Variants in ROBO2 observed in about 807,000 individuals in gnomAD.
ROBO2 encodes the protein roundabout homolog 2.
Under a neutral mutation model 160.8 loss-of-function variants are expected in ROBO2, and 53 were observed. The observed-to-expected ratio is 0.33, with a 90% CI of 0.26 to 0.41. The LOEUF is 0.41. ROBO2 is among the 10% of genes least tolerant of loss of function. The pLI, the probability that ROBO2 is intolerant of heterozygous loss-of-function variation, is 1.00. For missense variants in ROBO2, 1,577 were observed against 1,722.4 expected (o/e 0.92, Z 1.49); for synonymous variants, 664 against 611.7 (o/e 1.09, Z -1.26).
At chr3:76,422,638 C>A (rs909670210) in intron 2 of ROBO2, among the ~76,000 whole-genome samples, 4 of 152,116 alleles carry the variant, frequency 2.6e-5, no homozygotes, top group Admixed American at 6.5e-5. Flanking sequence ...TACTTTCATG[C>A]ATTAATCTGG....
chr3:75,996,729 ATATGTAAAT>A (rs2065737127), intron 2 of ROBO2, among the ~76,000 whole-genome samples: 1 of 72,714 alleles, frequency 1.4e-5, no homozygotes, highest in Non-Finnish European at 3.6e-5. Context: ...CTATTCTGAT[ATATGTAAAT>A]CATCAATTCT....
chr3:76,878,964 A>G (rs1020413151), intron 2 of ROBO2, among the ~76,000 whole-genome samples: 3 of 149,006 alleles, frequency 2.0e-5, no homozygotes, highest in Non-Finnish European at 3.0e-5. Flanking sequence ...TATTAAAAAG[A>G]AAAAGAATTA....
intron 8 of ROBO2, among the ~76,000 whole-genome samples, chr3:77,554,813 G>A (rs1303782674): frequency 6.6e-6 from 1 of 151,948 alleles, no homozygotes. Flanking sequence ...CAAGATTGTT[G>A]AAGTGATAAC....
intron 2 of ROBO2, among the ~76,000 whole-genome samples, chr3:76,536,707 A>T (rs2082525781): frequency 6.6e-6 from 1 of 152,140 alleles, no homozygotes; most frequent in African/African-American, 2.4e-5. Context: ...GGGCTAGGGT[A>T]TAAACAACTC....
intron 2 of ROBO2, among the ~76,000 whole-genome samples, chr3:76,755,139 T>G (rs1192993828): frequency 6.6e-6 from 1 of 151,858 alleles, no homozygotes; most frequent in Non-Finnish European, 1.5e-5. Flanking sequence ...ATACTCAGAT[T>G]ATTGATTAAA....
chr3:77,183,463 G>C (rs7433037), intron 2 of ROBO2, among the ~76,000 whole-genome samples: 13,352 of 151,928 alleles, frequency 0.088, 732 homozygotes, highest in African/African-American at 0.15. Context: ...CTAATGCAAC[G>C]GGTGCCCTCA....
At chr3:77,144,046 C>G (rs1215879781) in intron 2 of ROBO2, among the ~76,000 whole-genome samples, 2 of 152,164 alleles carry the variant, frequency 1.3e-5, no homozygotes, top group African/African-American at 2.4e-5. Flanking sequence ...CCTGCATGAT[C>G]CGATCTTACC....
At chr3:76,277,646 G>A (rs763193262) in intron 2 of ROBO2, among the ~76,000 whole-genome samples, 43 of 151,862 alleles carry the variant, frequency 2.8e-4, no homozygotes, top group African/African-American at 7.2e-4. Context: ...AAAAGCCAAT[G>A]TATTTTCATC....
chr3:76,417,426 A>G (rs1336412807), intron 2 of ROBO2, among the ~76,000 whole-genome samples: 1 of 152,210 alleles, frequency 6.6e-6, no homozygotes, highest in Non-Finnish European at 1.5e-5. Context: ...ACAAACAACA[A>G]ATCAAATATG....
chr3:76,879,254 C>A (rs2073097157), intron 2 of ROBO2, among the ~76,000 whole-genome samples: 1 of 152,070 alleles, frequency 6.6e-6, no homozygotes, highest in Non-Finnish European at 1.5e-5. Flanking sequence ...ACTTTCAGAT[C>A]AGTATGTTCA....
At chr3:77,016,891 G>A (rs540003957) in intron 2 of ROBO2, among the ~76,000 whole-genome samples, 1 of 152,198 alleles carries the variant, frequency 6.6e-6, no homozygotes, top group Admixed American at 6.5e-5. Flanking sequence ...GTGAAAGTCG[G>A]AAATACACAT....
chr3:77,268,991 C>A (rs774184088), intron 2 of ROBO2, among the ~76,000 whole-genome samples: 17 of 152,154 alleles, frequency 1.1e-4, no homozygotes, highest in Non-Finnish European at 2.4e-4. Context: ...GTACAGTGTT[C>A]ACAGCTTGTG....
chr3:77,237,247 G>T, intron 2 of ROBO2, among the ~76,000 whole-genome samples: 1 of 145,996 alleles, frequency 6.8e-6, no homozygotes. Flanking sequence ...TGTCTTCCAG[G>T]GTGGATGGCA....
intron 2 of ROBO2, among the ~76,000 whole-genome samples, chr3:76,922,139 G>A (rs759525379): frequency 2.0e-5 from 3 of 152,082 alleles, no homozygotes; most frequent in African/African-American, 4.8e-5. Flanking sequence ...GTGAAACCCC[G>A]TCTGCACTAA....
At chr3:76,910,610 G>A (rs187632494) in intron 2 of ROBO2, among the ~76,000 whole-genome samples, 8 of 150,798 alleles carry the variant, frequency 5.3e-5, no homozygotes, top group South Asian at 2.1e-4. Flanking sequence ...CCTGTAGTCC[G>A]AGCTACTCGG....
At chr3:76,624,458 A>G (rs1312851921) in intron 2 of ROBO2, among the ~76,000 whole-genome samples, 1 of 152,042 alleles carries the variant, frequency 6.6e-6, no homozygotes, top group African/African-American at 2.4e-5. Flanking sequence ...CCCCCAAGAA[A>G]TGGTATTTCT....
At position 76,261,193 on chromosome 3, in the gene ROBO2, T is replaced by A. The variant is rs1203641755; in HGVS notation, c.109+323591T>A. 7.1e-5 allele frequency among the ~76,000 whole-genome samples: 9 copies of A among 127,574 alleles called. No homozygotes were observed. In the East Asian group the frequency reaches 1.2e-3, roughly 16 times the overall value. The allele number at this position is 127,574 out of a possible 152,430, so 83.7% of individuals were successfully genotyped here. ...ATGTGTGTGTGTGTGTGTGTGTGTG[T>A]GTGTGTGTGTATATATATATATAAA... On this transcript the variant is annotated intron_variant, in intron 2 of 26. Transcript: ENST00000487694.
chr3:76,570,959 C>A (rs150317852), intron 2 of ROBO2, among the ~76,000 whole-genome samples: 5 of 151,972 alleles, frequency 3.3e-5, no homozygotes, highest in African/African-American at 1.2e-4. Context: ...CTGTATCATA[C>A]AGAATACAAG....
intron 2 of ROBO2, among the ~76,000 whole-genome samples, chr3:76,007,786 A>G: frequency 6.6e-6 from 1 of 152,320 alleles, no homozygotes; most frequent in South Asian, 2.1e-4. Context: ...TTTAAAATGG[A>G]TAATCTTTGT....
Sources: gnomAD v4.1 joint callset for allele counts (sites outside exome capture counted in the v4.1 genomes callset) on GRCh38, gnomAD v4.1.1 for gene constraint, MANE v1.5 for transcripts, NCBI Gene and HGNC (gene_info 2026-07-23, HGNC 2026-07-21) for gene names.